Variants in MYLK2 observed in about 807,000 individuals in gnomAD.
The protein encoded by MYLK2 is myosin light chain kinase 2, also known as myosin light chain kinase 2, skeletal/cardiac muscle.
A neutral mutation model predicts 58.2 loss-of-function variants in MYLK2; 27 were observed. That is an observed-to-expected ratio of 0.46 (90% confidence interval 0.34 to 0.64). The LOEUF is 0.64. Ranked by LOEUF, MYLK2 falls within the 30% of genes least tolerant of loss-of-function variation. The pLI is 0.01. For synonymous variants in MYLK2, 310 were observed against 296.7 expected, an observed-to-expected ratio of 1.04 and a Z score of -0.46; for missense variants, 676 against 764.3, an observed-to-expected ratio of 0.88 and a Z score of 1.36.
At chr20:31,821,293 C>T (rs2062250706) in intron 3 of MYLK2, 146 bp from the exon 4 acceptor site, 1 of 809,682 alleles carries the variant, frequency 1.2e-6, no homozygotes, top group South Asian at 1.6e-5. Context: ...CATGAACATC[C>T]CTTAATTTTG....
intron 4 of MYLK2, 131 bp downstream of exon 4, chr20:31,821,868 T>C: frequency 1.3e-6 from 1 of 756,342 alleles, no homozygotes; most frequent in East Asian, 2.7e-5. Flanking sequence ...CCCATTCATC[T>C]AAGGGTCACA....
chr20:31,827,811 T>C (rs897214097), intron 8 of MYLK2, among the ~76,000 whole-genome samples: 3 of 148,302 alleles, frequency 2.0e-5, no homozygotes, highest in African/African-American at 7.5e-5. Flanking sequence ...GAGCCACTGT[T>C]CCCGGCCTGA....
At position 31,820,507 on chromosome 20, in the gene MYLK2, C is replaced by T. The variant is rs1482353646; in HGVS notation, c.434C>T (p.Ala145Val). The T allele has an allele frequency of 1.9e-6, 3 of 1,604,986 alleles. No individual in the cohort carries two copies. Among genetic ancestry groups the T allele is most frequent in the Admixed American group, 1.7e-5 (1 of 60,014 alleles). The change falls in exon 3 of 13, where the codon GCC becomes GTC. Residue 145 changes from alanine to valine, a missense_variant. Physicochemically the swap from Ala to Val is moderately conservative, Grantham distance 64. This residue lies in a region of MYLK2 where 306 missense variants were observed against 296.5 expected (regional missense o/e 1.03). Transcript: ENST00000375985. The part of the protein sequence containing the change: ...GQAAARRGSP[A>V]FLHSPSCPAI... ...GCAGCAGCCAGGAGGGGCTCACCTG[C>T]CTTTCTGCATAGCCCCAGCTGTCCT...
At position 31,820,269 on chromosome 20, in the gene MYLK2, C is replaced by T; in HGVS notation, c.196C>T (p.Leu66=). The T allele has an allele frequency of 1.9e-6, 3 of 1,613,946 alleles. No individual in the cohort carries two copies. The highest frequency in any genetic ancestry group is 2.5e-6 in the Non-Finnish European group (3 of 1,180,022). ...APASEKGDGT[L]AQPSTSSQGP... is the part of the protein sequence containing the mutation. ...TGCCTCAGAGAAAGGGGATGGTACC[C>T]TGGCCCAACCCTCAACTAGCAGCCA... Residue 66 remains leucine (L), a synonymous_variant, in exon 3 of 13, where the codon CTG becomes TTG. Coordinates refer to ENST00000375985, the MANE Select transcript of MYLK2 (RefSeq NM_033118.4).
chr20:31,827,787 G>A (rs1478568602), intron 8 of MYLK2, among the ~76,000 whole-genome samples: 2 of 151,904 alleles, frequency 1.3e-5, no homozygotes, highest in Admixed American at 6.6e-5. Flanking sequence ...CCAAAGTGCT[G>A]GGATTACAGA....
chr20:31,824,181 G>C (rs2062266538), intron 5 of MYLK2, 78 bp from the exon 6 acceptor site: 3 of 1,560,744 alleles, frequency 1.9e-6, no homozygotes, highest in East Asian at 2.4e-5. Context: ...CTGGGACCAA[G>C]TTAGGATCAG....
chr20:31,824,642 G>A (rs998450679), intron 6 of MYLK2: 2 of 900,662 alleles, frequency 2.2e-6, no homozygotes, highest in South Asian at 5.1e-5. Context: ...ATGAGTGTGG[G>A]CTCTGGGCCA....
At chr20:31,830,423 T>C (rs1165484363) in intron 8 of MYLK2, among the ~76,000 whole-genome samples, 1 of 152,172 alleles carries the variant, frequency 6.6e-6, no homozygotes, top group Non-Finnish European at 1.5e-5. Flanking sequence ...TTCTCTGTTC[T>C]CTGGAGCTTC....
rs140671823 is a variant in MYLK2 at position 31,833,987 on chromosome 20, G to A, written c.*190G>A. The A allele has an allele frequency of 1.1e-4, 64 of 608,724 alleles. No individual in the cohort carries two copies. Among genetic ancestry groups the A allele is most frequent in the East Asian group, 9.8e-4 (35 of 35,780 alleles). The allele number at this position is 608,724 out of a possible 1,614,324, so 37.7% of individuals were successfully genotyped here. ...CCGCTTCCCCGATGTGAGCCGCCTC[G>A]GAGTGTGGCCTGGATCCATCCTGCT... On this transcript the variant is annotated 3_prime_UTR_variant, in exon 13 of 13. Coordinates refer to ENST00000375985, the MANE Select transcript of MYLK2 (RefSeq NM_033118.4).
chr20:31,828,566 A>C, intron 8 of MYLK2: 1 of 984,040 alleles, frequency 1.0e-6, no homozygotes, highest in Non-Finnish European at 1.2e-6. Context: ...TTCATAAAAC[A>C]ATTCCTAACT....
In MYLK2 at chr20:31,823,337, C is replaced by A. The variant is rs1489244037; in HGVS notation, c.773-140C>A. 5.4e-6 allele frequency: 4 copies of A among 736,282 alleles called. No homozygotes were observed. The African/African-American group carries it at 7.0e-5, about 13-fold the overall frequency. 45.6% of individuals were successfully genotyped at this position (736,282 alleles called of 1,614,324 possible). The stretch of plus-strand genomic sequence containing the variant: ...GAAACTGGGCCCCATAGCCCCTATC[C>A]TGGAGCCAGGTGTCCCCCAGGTATC... On this transcript the variant is annotated intron_variant, in intron 4 of 12. Transcript: ENST00000375985.
rs1170789488 is a variant in MYLK2, at chr20:31,820,541, C to T, written c.468C>T (p.Ile156=). The change falls in exon 3 of 13, where the codon ATC becomes ATT. Residue 156 remains isoleucine, a synonymous_variant. Transcript: ENST00000375985. ...FLHSPSCPAI[I]SSSEKLLAKK... Reference sequence around the variant, plus strand: ...ATAGCCCCAGCTGTCCTGCCATCATCTCCAGGTGAATATCCCCTCCTGGGA... The same window carrying T: ...ATAGCCCCAGCTGTCCTGCCATCATTTCCAGGTGAATATCCCCTCCTGGGA... 1 of 1,600,550 alleles carries T rather than the reference C, an allele frequency of 6.2e-7. No homozygotes were observed. The highest frequency in any genetic ancestry group is 2.2e-5 in the East Asian group (1 of 44,878).
Position 31,821,437 on chromosome 20 carries a change from A to C in MYLK2, c.474-2A>C. 6.2e-7 allele frequency: 1 copy of C among 1,613,170 alleles called. No individual in the cohort carries two copies. The highest frequency in any genetic ancestry group is 1.3e-5 in the African/African-American group (1 of 75,026). On this transcript the variant is annotated splice_acceptor_variant, in intron 3 of 12. Transcript: ENST00000375985. LOFTEE classifies it high-confidence loss of function. ...CTTCACCTCTGTGTTCTCACCTTCT[A>C]GTTCTGAGAAGCTGCTGGCCAAGAA...
chr20:31,820,097 T>C, intron 2 of MYLK2, 29 bp from the exon 3 acceptor site: 1 of 1,612,522 alleles, frequency 6.2e-7, no homozygotes, highest in South Asian at 1.1e-5. Flanking sequence ...GGAGGGTGGA[T>C]CCTGATGGGT....
At chr20:31,831,467 G>A (rs1293103829) in intron 10 of MYLK2, among the ~76,000 whole-genome samples, 1 of 152,086 alleles carries the variant, frequency 6.6e-6, no homozygotes, top group African/African-American at 2.4e-5. Flanking sequence ...TGCCACCTAG[G>A]AAGCTGGGAT....
Position 31,819,585 on chromosome 20 carries a change from C to A in MYLK2, c.5C>A (p.Ala2Glu), listed in dbSNP as rs373406874. 6.4e-7 allele frequency: 1 copy of A among 1,551,506 alleles called. No individual in the cohort carries two copies. Among genetic ancestry groups the A allele is most frequent in the Non-Finnish European group, 8.7e-7 (1 of 1,146,980 alleles). M[A>E]TENGAVELGI... ...CAGCACACGCCTCCCTACCTCATGG[C>A]GACAGAAAATGGAGCAGTTGAGCTG... The change falls in exon 2 of 13, where the codon GCG (alanine) becomes GAG (glutamate). Residue 2 changes from alanine to glutamate, a missense_variant. Ala to Glu is a moderately radical substitution (Grantham distance 107). Around this residue, in one of 2 missense-constraint regions of MYLK2, gnomAD observed 306 missense variants for 296.5 expected, o/e 1.03. Coordinates refer to ENST00000375985, the MANE Select transcript of MYLK2 (RefSeq NM_033118.4).
At chr20:31,819,464 C>T (rs1030904630) in intron 1 of MYLK2, 36 bp downstream of exon 1, 13 of 1,393,836 alleles carry the variant, frequency 9.3e-6, no homozygotes, top group African/African-American at 1.4e-5. Flanking sequence ...GCCTCGGCTT[C>T]CTGTCTCACT....
At position 31,819,442 on chromosome 20, in the gene MYLK2, C is replaced by T; in HGVS notation, c.-49+14C>T. The T allele has an allele frequency of 1.7e-6, 2 of 1,180,130 alleles. No individual in the cohort carries two copies. The highest frequency in any genetic ancestry group is 2.6e-5 in the East Asian group (1 of 38,706). The allele number at this position is 1,180,130 out of a possible 1,614,324, so 73.1% of individuals were successfully genotyped here. A position where few individuals can be genotyped will look rare whatever the true frequency, so the allele number is the denominator to read the frequency against. ...TCTTTGCTCCAGGTACCTCTCTCCC[C>T]TCAGTTAGCAGGCCTCGGCTTCCTG... On this transcript the variant is annotated intron_variant, in intron 1 of 12. Transcript: ENST00000375985.
At chr20:31,826,078 G>A (rs1357220239) in intron 6 of MYLK2, among the ~76,000 whole-genome samples, 1 of 152,154 alleles carries the variant, frequency 6.6e-6, no homozygotes, top group Non-Finnish European at 1.5e-5. Context: ...GCACCCTTGG[G>A]TGAAGCGTGG....
Sources: gnomAD v4.1 joint callset for allele counts (sites outside exome capture counted in the v4.1 genomes callset) on GRCh38, gnomAD v4.1.1 for gene constraint, gnomAD v4.1.1 regional missense constraint, MANE v1.5 for transcripts, NCBI Gene and HGNC (gene_info 2026-07-23, HGNC 2026-07-21) for gene names.